The following GAN variants were observed in gnomAD, a reference collection of about 807,000 sequenced individuals.
GAN encodes epididymis secretory sperm binding protein.
GAN carries 48 observed loss-of-function variants against 71.3 expected under a neutral mutation model. The ratio of observed to expected loss-of-function variants is 0.67; its 90% confidence interval spans 0.53 to 0.86. The LOEUF is 0.86. Ranked by LOEUF, GAN falls within the 40% of genes least tolerant of loss-of-function variation. The pLI is 0.00. For synonymous variants in GAN, 386 were observed against 276.8 expected (o/e 1.39, Z -3.92); for missense variants, 928 against 770.1 (o/e 1.21, Z -2.43).
chr16:81,315,122 G>A lies in GAN; in HGVS notation c.9G>A (p.Glu3=), dbSNP rs1028262778. 7 of 1,513,236 alleles carry A rather than the reference G, an allele frequency of 4.6e-6. No individual in the cohort carries two copies. The highest frequency in any genetic ancestry group is 1.4e-5 in the African/African-American group (1 of 69,154). 93.7% of individuals were successfully genotyped at this position (1,513,236 alleles called of 1,614,324 possible). A position where few individuals can be genotyped will look rare whatever the true frequency, so the allele number is the denominator to read the frequency against. Residue 3 remains glutamate, a synonymous_variant, in exon 1 of 11, where the codon GAG becomes GAA. Coordinates refer to ENST00000648994, the MANE Select transcript of GAN (RefSeq NM_022041.4). ...GAGGAGCGGGCGCCGCGATGGCTGA[G>A]GGCAGTGCCGTGTCTGACCCTCAGC... MA[E]GSAVSDPQHA...
Position 81,377,997 on chromosome 16 carries a change from A to G in GAN, c.*401A>G, listed in dbSNP as rs1423247254. The G allele has an allele frequency of 1.8e-5, 5 of 277,416 alleles. No individual in the cohort carries two copies. Among genetic ancestry groups the G allele is most frequent in the South Asian group, 4.3e-5 (1 of 23,296 alleles). The allele number at this position is 277,416 out of a possible 1,614,324, so 17.2% of individuals were successfully genotyped here. ...CTTTGGTAACAAACAAAATCCGTAT[A>G]TGCAAATCAACATATCCAAACATGC... On this transcript the variant is annotated 3_prime_UTR_variant, in exon 11 of 11. Transcript: ENST00000648994.
chr16:81,323,694 T>C (rs562830228), intron 1 of GAN, among the ~76,000 whole-genome samples: 10 of 152,200 alleles, frequency 6.6e-5, no homozygotes, highest in African/African-American at 9.6e-5. Context: ...ACACAGGAGA[T>C]AACTCAAGAC....
chr16:81,342,154 A>G (rs1406801561), intron 1 of GAN, among the ~76,000 whole-genome samples: 1 of 152,234 alleles, frequency 6.6e-6, no homozygotes, highest in Non-Finnish European at 1.5e-5. Flanking sequence ...AGACCTACAA[A>G]GAGACTTAGA....
At chr16:81,358,447 A>C (rs1351339380) in intron 5 of GAN, among the ~76,000 whole-genome samples, 1 of 152,074 alleles carries the variant, frequency 6.6e-6, no homozygotes, top group Non-Finnish European at 1.5e-5. Context: ...GTCTTTACTA[A>C]AAATCAAAAA....
chr16:81,375,312 A>C (rs1234613791), intron 9 of GAN, among the ~76,000 whole-genome samples: 1 of 143,084 alleles, frequency 7.0e-6, no homozygotes, highest in African/African-American at 2.6e-5. Flanking sequence ...CAGTCTTGCT[A>C]CGTCCTTTTT....
intron 2 of GAN, among the ~76,000 whole-genome samples, chr16:81,353,955 G>T (rs1910395765): frequency 6.6e-6 from 1 of 152,330 alleles, no homozygotes; most frequent in East Asian, 1.9e-4. Flanking sequence ...TTAGCATTCA[G>T]GTTGGCATGC....
chr16:81,344,998 A>C (rs1910069322), intron 1 of GAN, among the ~76,000 whole-genome samples: 1 of 152,246 alleles, frequency 6.6e-6, no homozygotes, highest in South Asian at 2.1e-4. Flanking sequence ...AGACATGAAA[A>C]AATGCTCATC....
At chr16:81,368,353 C>G (rs1430248081) in intron 9 of GAN, among the ~76,000 whole-genome samples, 1 of 152,232 alleles carries the variant, frequency 6.6e-6, no homozygotes, top group Non-Finnish European at 1.5e-5. Flanking sequence ...AATCCCAGAA[C>G]TCTGGGAGAC....
Position 81,363,956 on chromosome 16 carries a change from T to A in GAN, c.1236+13T>A. The stretch of plus-strand genomic sequence containing the variant: ...CATGGTCAGAAAGGTGAGGACTGCA[T>A]TTTGTGATAACTAGTCTGTGTACAC... On this transcript the variant is annotated intron_variant, in intron 7 of 10. Coordinates refer to ENST00000648994, the MANE Select transcript of GAN (RefSeq NM_022041.4). 7 of 1,605,308 alleles carry A rather than the reference T, an allele frequency of 4.4e-6. No homozygotes were observed. Among genetic ancestry groups the A allele is most frequent in the Non-Finnish European group, 6.0e-6 (7 of 1,171,916 alleles).
chr16:81,374,745 C>T (rs1904275826), intron 9 of GAN, among the ~76,000 whole-genome samples: 3 of 152,174 alleles, frequency 2.0e-5, no homozygotes. Flanking sequence ...CGACAGGATG[C>T]CCCAGGCCCC....
intron 9 of GAN, among the ~76,000 whole-genome samples, chr16:81,366,968 G>T (rs1910878600): frequency 6.6e-6 from 1 of 152,086 alleles, no homozygotes; most frequent in South Asian, 2.1e-4. Flanking sequence ...GGGACTACAG[G>T]CGCATGCCAC....
In GAN at chr16:81,379,092, T is replaced by C. The variant is rs1320391212; in HGVS notation, c.*1496T>C. Reference sequence around the variant, plus strand: ...CTGTAAGAAGCAGCATTTTGTCTTATTAACACATGTATAAAGGTATCCTTT... The same window carrying C: ...CTGTAAGAAGCAGCATTTTGTCTTACTAACACATGTATAAAGGTATCCTTT... On this transcript the variant is annotated 3_prime_UTR_variant, in exon 11 of 11. Coordinates refer to ENST00000648994, the MANE Select transcript of GAN (RefSeq NM_022041.4). 6 of 152,226 alleles carry C rather than the reference T, an allele frequency of 3.9e-5. No individual in the cohort carries two copies. Among genetic ancestry groups the C allele is most frequent in the Admixed American group, 3.9e-4 (6 of 15,280 alleles). The allele number at this position is 152,226 out of a possible 1,614,324, so 9.4% of individuals were successfully genotyped here. A position where few individuals can be genotyped will look rare whatever the true frequency, so the allele number is the denominator to read the frequency against.
chr16:81,341,943 A>G (rs1034587731), intron 1 of GAN, among the ~76,000 whole-genome samples: 20 of 152,340 alleles, frequency 1.3e-4, no homozygotes, highest in African/African-American at 4.3e-4. Flanking sequence ...AGGAAGATCT[A>G]CCAAGCAAAT....
At position 81,363,890 on chromosome 16, in the gene GAN, G is replaced by T. The variant is rs142456623; in HGVS notation, c.1183G>T (p.Asp395Tyr). Residue 395 changes from aspartate (D) to tyrosine (Y), a missense_variant, in exon 7 of 11, where the codon GAT (aspartate) becomes TAT (tyrosine). Transcript: ENST00000648994. ...EKELISMECYDIYSKTWTKQP... is the reference protein window; with the variant it reads ...EKELISMECYYIYSKTWTKQP... Reference sequence around the variant, plus strand: ...GGAGCTGATTTCCATGGAGTGTTACGATATTTATTCTAAAACCTGGACAAA... The same window carrying T: ...GGAGCTGATTTCCATGGAGTGTTACTATATTTATTCTAAAACCTGGACAAA... 1.2e-6 allele frequency: 2 copies of T among 1,612,788 alleles called. No individual in the cohort carries two copies. The highest frequency in any genetic ancestry group is 1.7e-6 in the Non-Finnish European group (2 of 1,178,796).
chr16:81,358,579 A>G (rs750099100), intron 5 of GAN, among the ~76,000 whole-genome samples: 1 of 152,020 alleles, frequency 6.6e-6, no homozygotes, highest in African/African-American at 2.4e-5. Context: ...ACTGCATTCC[A>G]GCCTGGGTGA....
chr16:81,331,804 C>T (rs1296342788), intron 1 of GAN, among the ~76,000 whole-genome samples: 6 of 152,164 alleles, frequency 3.9e-5, no homozygotes, highest in South Asian at 2.1e-4. Flanking sequence ...TTGGGCCGTA[C>T]GCCCAGACTG....
intron 1 of GAN, among the ~76,000 whole-genome samples, chr16:81,323,386 T>C (rs1909281069): frequency 6.6e-6 from 1 of 152,136 alleles, no homozygotes; most frequent in African/African-American, 2.4e-5. Flanking sequence ...GCAAAAGAGG[T>C]TACCATTTCC....
chr16:81,319,650 T>A (rs1416486533), intron 1 of GAN, among the ~76,000 whole-genome samples: 1 of 152,148 alleles, frequency 6.6e-6, no homozygotes, highest in Non-Finnish European at 1.5e-5. Flanking sequence ...AAAAAAAAGA[T>A]TCCTAAGATT....
chr16:81,351,711 C>A lies in GAN; in HGVS notation c.282+14C>A. The A allele has an allele frequency of 1.7e-6, 2 of 1,209,206 alleles. No individual in the cohort carries two copies. Among genetic ancestry groups the A allele is most frequent in the Non-Finnish European group, 2.5e-6 (2 of 809,520 alleles). 74.9% of individuals were successfully genotyped at this position (1,209,206 alleles called of 1,614,324 possible). A position where few individuals can be genotyped will look rare whatever the true frequency, so the allele number is the denominator to read the frequency against. ...TTCAGTGGGCAGGTATGATGAGAAA[C>A]AAAGGAAGGAAGACCTAAGTAGAGG... is the stretch of plus-strand genomic sequence containing the variant. On this transcript the variant is annotated intron_variant, in intron 2 of 10. Transcript: ENST00000648994.
Sources: allele counts gnomAD v4.1 joint callset (sites outside exome capture counted in the v4.1 genomes callset), GRCh38; gene constraint gnomAD v4.1.1; transcripts MANE v1.5; gene names NCBI Gene and HGNC (gene_info 2026-07-23, HGNC 2026-07-21).